Variants in LIPA observed in about 807,000 individuals in gnomAD.
The protein encoded by LIPA is lysosomal acid lipase/cholesteryl ester hydrolase.
Under a neutral mutation model 40.6 loss-of-function variants are expected in LIPA, and 26 were observed. The observed-to-expected ratio is 0.64, with a 90% CI of 0.47 to 0.89. The LOEUF is 0.89. Ranked by LOEUF, LIPA falls within the 40% of genes least tolerant of loss-of-function variation. The pLI is 0.00. For synonymous variants in LIPA, 188 were observed against 168.4 expected (o/e 1.12, Z -0.90); for missense variants, 455 against 479.6 (o/e 0.95, Z 0.48).
intron 2 of LIPA, among the ~76,000 whole-genome samples, chr10:89,382,539 T>C (rs1844170906): frequency 6.6e-6 from 1 of 152,212 alleles, no homozygotes; most frequent in Non-Finnish European, 1.5e-5. Flanking sequence ...ATTGTTGAGA[T>C]TTTATAGCCT....
chr10:89,253,409 T>C (rs1843159601), upstream of LIPA, among the ~76,000 whole-genome samples: 2 of 152,224 alleles, frequency 1.3e-5, no homozygotes, highest in African/African-American at 4.8e-5. Flanking sequence ...TTTCCTCTTA[T>C]AAAACCATCA....
chr10:89,223,109 C>T (rs914510328), intron 7 of LIPA, among the ~76,000 whole-genome samples: 1 of 152,086 alleles, frequency 6.6e-6, no homozygotes, highest in Non-Finnish European at 1.5e-5. Context: ...ACACTGCAAG[C>T]ATACACTTAT....
rs117041426 is a variant in LIPA at position 89,348,283 on chromosome 10, G to A, written c.61+64508C>T. 7.5e-3 allele frequency among the ~76,000 whole-genome samples: 1,143 copies of A among 152,240 alleles called. 30 individuals carry two copies. The East Asian group carries it at 0.091, about 12-fold the overall frequency. On this transcript the variant is annotated intron_variant, in intron 2 of 8. Transcript: ENST00000371837. ...TTGTTAATGACTTCCTCTCCTTTAT[G>A]CCTCCCTGGGGGCTGAGTTTCTATT...
intron 3 of LIPA, among the ~76,000 whole-genome samples, chr10:89,235,074 G>A (rs563515621): frequency 9.9e-5 from 15 of 152,228 alleles, no homozygotes; most frequent in East Asian, 5.8e-4. Flanking sequence ...GAGGCCTTCC[G>A]GCTGAAGGCA....
intron 2 of LIPA, among the ~76,000 whole-genome samples, chr10:89,394,320 T>G (rs573508119): frequency 2.0e-5 from 3 of 152,244 alleles, no homozygotes; most frequent in Admixed American, 6.5e-5. Flanking sequence ...AAAATATCAT[T>G]ATGCAGTGCA....
intron 2 of LIPA, among the ~76,000 whole-genome samples, chr10:89,357,893 T>C (rs997534675): frequency 4.6e-5 from 7 of 152,214 alleles, no homozygotes; most frequent in African/African-American, 1.7e-4. Flanking sequence ...AATTAAGGTA[T>C]ATCTTATTCA....
At chr10:89,243,405 C>T (rs1032803142) in intron 3 of LIPA, among the ~76,000 whole-genome samples, 2 of 152,264 alleles carry the variant, frequency 1.3e-5, no homozygotes, top group Admixed American at 1.3e-4. Context: ...TCAGTGATCC[C>T]CTACAGGGAG....
At chr10:89,414,621 G>C (rs760158537), upstream of LIPA, 16 of 540,544 alleles carry the variant, frequency 3.0e-5, no homozygotes, top group Non-Finnish European at 4.4e-5. Context: ...TTCTTGCTGG[G>C]GCTGGGGTCT....
At chr10:89,250,103 C>CTTTTTTTTTTTTT (rs1564767193) in intron 1 of LIPA, among the ~76,000 whole-genome samples, 1 of 94,060 alleles carries the variant, frequency 1.1e-5, no homozygotes, top group African/African-American at 4.8e-5. Flanking sequence ...CTTTTCTTTT[C>CTTTTTTTTTTTTT]TTTCTTTTTT....
At chr10:89,307,578 G>C (rs1011930794) in intron 1 of LIPA, 4 of 497,446 alleles carry the variant, frequency 8.0e-6, no homozygotes, top group African/African-American at 3.8e-5. Context: ...GGACCAGATT[G>C]GGGGGTAGGT....
At chr10:89,303,211 C>T (rs573471260) in intron 1 of LIPA, among the ~76,000 whole-genome samples, 2 of 152,214 alleles carry the variant, frequency 1.3e-5, no homozygotes, top group African/African-American at 4.8e-5. Context: ...GCCCTTGTGC[C>T]CTAAGACAGT....
intron 1 of LIPA, among the ~76,000 whole-genome samples, chr10:89,295,374 A>G (rs1843407604): frequency 6.6e-6 from 1 of 152,234 alleles, no homozygotes; most frequent in South Asian, 2.1e-4. Flanking sequence ...AAATTTTTTA[A>G]AAAATCTCAA....
intron 1 of LIPA, among the ~76,000 whole-genome samples, chr10:89,414,225 G>T (rs922722453): frequency 6.6e-6 from 1 of 152,168 alleles, no homozygotes; most frequent in Non-Finnish European, 1.5e-5. Context: ...AGTGTTGCTT[G>T]TTGAATCAAA....
rs202170099 is a variant in LIPA, at chr10:89,383,750, G to A, written c.61+29041C>T. The A allele has an allele frequency of 3.2e-5, 52 of 1,614,218 alleles. No homozygotes were observed. The Admixed American group carries it at 8.5e-4, about 26-fold the overall frequency. On this transcript the variant is annotated intron_variant, in intron 2 of 8. Transcript: ENST00000371837. ...TGTCCAGAGGTGGACTGTGAGGAAG[G>A]ATGGGCCTTGGCGAAGTGTGGTGGA... is the stretch of plus-strand genomic sequence containing the variant.
chr10:89,230,022 T>C (rs1296599769), intron 3 of LIPA, among the ~76,000 whole-genome samples: 2 of 152,172 alleles, frequency 1.3e-5, no homozygotes, highest in African/African-American at 4.8e-5. Flanking sequence ...TTCATAAATA[T>C]ATGTGTCTGT....
intron 2 of LIPA, among the ~76,000 whole-genome samples, chr10:89,411,068 T>C (rs1841465900): frequency 6.6e-6 from 1 of 152,236 alleles, no homozygotes; most frequent in Non-Finnish European, 1.5e-5. Context: ...AGAAACCCTA[T>C]AACACTCCAA....
In LIPA at chr10:89,214,920, G is replaced by T. The variant is rs1037972033; in HGVS notation, c.1108C>A (p.Pro370Thr). 2 of 1,614,046 alleles carry T rather than the reference G, an allele frequency of 1.2e-6. No individual in the cohort carries two copies. The highest frequency in any genetic ancestry group is 1.7e-6 in the Non-Finnish European group (2 of 1,179,930). ...ITNLVFHESIPEWEHLDFIWG... is the reference protein window; with the variant it reads ...ITNLVFHESITEWEHLDFIWG... ...ATGAAGTCAAGATGCTCCCATTCCG[G>T]AATGCTCTCATGGAACACCAAGTTG... The change falls in exon 10 of 10, where the codon CCG becomes ACG. Residue 370 changes from proline to threonine, a missense_variant. By Grantham distance (38) the Pro-to-Thr change is conservative (BLOSUM62 -1). Transcript: ENST00000336233.
chr10:89,308,359 T>G lies in LIPA; in HGVS notation c.-2+34252A>C, dbSNP rs552896423. ...AAATGAAGACTGAACTCTGTTCAAA[T>G]GCTTTCATGAACCTGGTTTGAGACG... On this transcript the variant is annotated intron_variant, in intron 1 of 5. Transcript: ENST00000282673. The G allele has an allele frequency of 2.0e-5, 3 of 152,262 alleles. No homozygotes were observed. In the South Asian group the frequency reaches 6.2e-4, roughly 32 times the overall value. 9.4% of individuals were successfully genotyped at this position (152,262 alleles called of 1,614,324 possible). A position where few individuals can be genotyped will look rare whatever the true frequency, so the allele number is the denominator to read the frequency against.
intron 1 of LIPA, among the ~76,000 whole-genome samples, chr10:89,267,729 TA>T (rs56037485): frequency 0.019 from 2,304 of 121,654 alleles, 45 homozygotes; most frequent in African/African-American, 0.057. Context: ...TAAAGTATAA[TA>T]AAAAAAAAAA....
Sources: gnomAD v4.1 joint callset for allele counts (sites outside exome capture counted in the v4.1 genomes callset) on GRCh38, gnomAD v4.1.1 for gene constraint, MANE v1.5 for transcripts, NCBI Gene and HGNC (gene_info 2026-07-23, HGNC 2026-07-21) for gene names.